Variants in PCMT1 observed in about 807,000 individuals in gnomAD.
PCMT1 encodes protein-L-isoaspartate(D-aspartate) O-methyltransferase.
In PCMT1, 9 loss-of-function variants were observed where a neutral mutation model predicts 29.2. That is an observed-to-expected ratio of 0.31 (90% CI 0.19 to 0.54). The LOEUF (loss-of-function observed/expected upper bound fraction) is 0.54. Ranked by LOEUF, PCMT1 falls within the 20% of genes least tolerant of loss-of-function variation. PCMT1 has a pLI of 0.95. For synonymous variants in PCMT1, 98 were observed against 97.5 expected (o/e 1.00, Z -0.03); for missense variants, 184 against 282.2 (o/e 0.65, Z 2.49).
At chr6:149,766,810 C>G (rs1308612598) in intron 1 of PCMT1, among the ~76,000 whole-genome samples, 1 of 152,328 alleles carries the variant, frequency 6.6e-6, no homozygotes, top group East Asian at 1.9e-4. Context: ...CCTCTAGCAA[C>G]TACAGACGGG....
At chr6:149,761,160 A>C (rs1028518940) in intron 1 of PCMT1, among the ~76,000 whole-genome samples, 1 of 143,020 alleles carries the variant, frequency 7.0e-6, no homozygotes, top group African/African-American at 2.6e-5. Flanking sequence ...TGATGTCTAA[A>C]GTAGATAAAA....
At chr6:149,804,414 G>C (rs1031471425) in intron 7 of PCMT1, among the ~76,000 whole-genome samples, 1 of 152,108 alleles carries the variant, frequency 6.6e-6, no homozygotes, top group Admixed American at 6.6e-5. Flanking sequence ...TTGTTTTTAT[G>C]ACTAGAGGTA....
At chr6:149,807,554 A>G (rs1776050147) in intron 7 of PCMT1, among the ~76,000 whole-genome samples, 4 of 152,036 alleles carry the variant, frequency 2.6e-5, no homozygotes, top group Admixed American at 2.6e-4. Context: ...TATTTTTAGT[A>G]GAGACGGGGT....
intron 3 of PCMT1, among the ~76,000 whole-genome samples, chr6:149,781,534 T>G (rs1225546634): frequency 1.3e-5 from 2 of 152,092 alleles, no homozygotes; most frequent in Admixed American, 6.6e-5. Flanking sequence ...CAAAAAATTT[T>G]TTTTAAAGAC....
chr6:149,768,444 A>ATTTTTTTTTTTTTTTTT, intron 1 of PCMT1, among the ~76,000 whole-genome samples: 1 of 75,844 alleles, frequency 1.3e-5, no homozygotes, highest in Non-Finnish European at 2.2e-5. Context: ...TTAGTCTTGA[A>ATTTTTTTTTTTTTTTTT]TTTTTTTTTT....
At chr6:149,780,039 T>C (rs540333240) in intron 3 of PCMT1, among the ~76,000 whole-genome samples, 12 of 151,654 alleles carry the variant, frequency 7.9e-5, no homozygotes, top group African/African-American at 2.9e-4. Flanking sequence ...AAAACAGCTT[T>C]ATTAAGATAC....
chr6:149,764,564 C>T (rs1016111580), intron 1 of PCMT1, among the ~76,000 whole-genome samples: 9 of 151,944 alleles, frequency 5.9e-5, no homozygotes, highest in Non-Finnish European at 7.4e-5. Flanking sequence ...TGGCAAGACC[C>T]ACTCTCTAAA....
intron 3 of PCMT1, among the ~76,000 whole-genome samples, chr6:149,786,072 A>G (rs1583037855): frequency 4.8e-5 from 5 of 105,108 alleles, no homozygotes; most frequent in Admixed American, 1.9e-4. Context: ...CGGGGTGGCT[A>G]GCCGGGCAGA....
chr6:149,753,362 C>T (rs1212320311), intron 1 of PCMT1, among the ~76,000 whole-genome samples: 3 of 118,176 alleles, frequency 2.5e-5, no homozygotes, highest in East Asian at 5.7e-4. Flanking sequence ...GACAGAGTTT[C>T]GCTCTTATTG....
intron 5 of PCMT1, chr6:149,794,868 GA>G: frequency 2.1e-6 from 1 of 486,508 alleles, no homozygotes; most frequent in Non-Finnish European, 4.2e-6. Flanking sequence ...TCTCATGAAA[GA>G]ACAGAGTCTC....
chr6:149,749,776 G>T lies in PCMT1; in HGVS notation c.-126G>T, dbSNP rs914094273. The T allele has an allele frequency of 1.2e-5, 19 of 1,549,414 alleles. No individual in the cohort carries two copies. Among genetic ancestry groups the T allele is most frequent in the Middle Eastern group, 3.3e-4 (2 of 5,994 alleles). Reference sequence around the variant, plus strand: ...CAGCGGCGGCGACGGCAGTAACAGCGGCAGCTACAGCGGGGACGCGAGCGG... The same window carrying T: ...CAGCGGCGGCGACGGCAGTAACAGCTGCAGCTACAGCGGGGACGCGAGCGG... On this transcript the variant is annotated 5_prime_UTR_variant, in exon 1 of 8. Transcript: ENST00000464889.
chr6:149,755,584 A>G (rs1786474302), intron 1 of PCMT1, among the ~76,000 whole-genome samples: 1 of 152,166 alleles, frequency 6.6e-6, no homozygotes, highest in Non-Finnish European at 1.5e-5. Flanking sequence ...ATCTATTTTT[A>G]TTTGTAAAAA....
At chr6:149,800,769 CAAT>C (rs2115335850) in intron 6 of PCMT1, among the ~76,000 whole-genome samples, 1 of 152,188 alleles carries the variant, frequency 6.6e-6, no homozygotes, top group Non-Finnish European at 1.5e-5. Flanking sequence ...CTAGATTCTA[CAAT>C]AATAGGATAG....
At chr6:149,795,189 G>C in intron 5 of PCMT1, 1 of 272,734 alleles carries the variant, frequency 3.7e-6, no homozygotes, top group Non-Finnish European at 6.3e-6. Flanking sequence ...GCGAGACTTC[G>C]TCTCAAAAAA....
chr6:149,782,040 G>T (rs1410741417), intron 3 of PCMT1, among the ~76,000 whole-genome samples: 1 of 152,118 alleles, frequency 6.6e-6, no homozygotes, highest in African/African-American at 2.4e-5. Flanking sequence ...CTTAGCATAT[G>T]TCATAGCTTA....
At chr6:149,807,317 ATAAT>A (rs1776043701) in intron 7 of PCMT1, among the ~76,000 whole-genome samples, 2 of 152,218 alleles carry the variant, frequency 1.3e-5, no homozygotes, top group East Asian at 1.9e-4. Context: ...TTTTAAATAA[ATAAT>A]TTATATGTAA....
chr6:149,795,426 C>G (rs1788562568), intron 5 of PCMT1: 1 of 402,004 alleles, frequency 2.5e-6, no homozygotes, highest in African/African-American at 2.1e-5. Context: ...AAAGAAGGAG[C>G]TCTGAATATA....
At position 149,771,892 on chromosome 6, in the gene PCMT1, C is replaced by T. The variant is rs188642280; in HGVS notation, c.160+626C>T. 1.4e-5 allele frequency: 6 copies of T among 437,708 alleles called. No individual in the cohort carries two copies. In the Admixed American group the frequency reaches 1.5e-4, roughly 11 times the overall value. 27.1% of individuals were successfully genotyped at this position (437,708 alleles called of 1,614,324 possible). A position where few individuals can be genotyped will look rare whatever the true frequency, so the allele number is the denominator to read the frequency against. On this transcript the variant is annotated intron_variant, in intron 2 of 7. Transcript: ENST00000464889. ...TTTTCTTTAGGGGCCTTAGTGTTGA[C>T]TAAAGATTAGTTTTCAGGTTAGGAT...
intron 1 of PCMT1, among the ~76,000 whole-genome samples, chr6:149,756,953 C>G (rs11155677): frequency 0.44 from 66,325 of 151,526 alleles, 15,529 homozygotes; most frequent in East Asian, 0.81. Context: ...TCAGGGGTAC[C>G]AGACCAGCCT....
Sources: allele counts gnomAD v4.1 joint callset (sites outside exome capture counted in the v4.1 genomes callset), GRCh38; gene constraint gnomAD v4.1.1; transcripts MANE v1.5; gene names NCBI Gene and HGNC (gene_info 2026-07-23, HGNC 2026-07-21).